NKX2-1: variants seen among roughly 807,000 people sequenced by gnomAD.
NKX2-1 encodes homeobox protein Nkx-2.1.
NKX2-1 carries 9 observed loss-of-function variants against 35.1 expected under a neutral mutation model. That is an observed-to-expected ratio of 0.26 (90% CI 0.15 to 0.45). NKX2-1 has a LOEUF of 0.45. Ranked by LOEUF, NKX2-1 falls within the 20% of genes least tolerant of loss-of-function variation. The probability of loss-of-function intolerance (pLI) is 1.00; values close to 1 mark genes in which losing one functional copy is unlikely to be tolerated. For synonymous variants in NKX2-1, 284 were observed against 269.9 expected, an observed-to-expected ratio of 1.05 and a Z score of -0.51; for missense variants, 509 against 589.1, an observed-to-expected ratio of 0.86 and a Z score of 1.41.
rs773410433 is a variant in NKX2-1 at position 36,520,063 on chromosome 14, C to G, written c.67G>C (p.Gly23Arg). Residue 23 changes from glycine (G) to arginine (R), a missense_variant, in exon 1 of 3, where the codon GGC (glycine) becomes CGC (arginine). Physicochemically the swap from Gly to Arg is moderately radical, Grantham distance 125. Coordinates refer to ENST00000354822, the MANE Select transcript of NKX2-1 (RefSeq NM_001079668.3). Reference sequence around the variant, plus strand: ...GGGTGGGGGTTTCACCTGAGCCTGCCGGGGCTGCTCCTCCCTCCCGCCGCG... The same window carrying G: ...GGGTGGGGGTTTCACCTGAGCCTGCGGGGGCTGCTCCTCCCTCCCGCCGCG... ...EAAAGGRSSP[G>R]RLSRRRIMSM... 123 of 1,612,782 alleles carry G rather than the reference C, an allele frequency of 7.6e-5. No homozygotes were observed. Among genetic ancestry groups the G allele is most frequent in the Non-Finnish European group, 9.7e-5 (115 of 1,179,848 alleles).
intron 2 of NKX2-1, 64 bp from the exon 3 acceptor site, chr14:36,518,084 G>C: frequency 6.4e-7 from 1 of 1,573,090 alleles, no homozygotes. Flanking sequence ...CCTGTTTTCC[G>C]CGCCATTGGC....
chr14:36,517,098 GAAAA>G lies in NKX2-1; in HGVS notation c.*176_*179del, dbSNP rs200848675. 267,700 of 1,159,822 alleles carry G rather than the reference GAAAA, an allele frequency of 0.23. 36,317 individuals carry two copies. The highest frequency in any genetic ancestry group is 0.25 in the Non-Finnish European group (223,524 of 879,916). The allele number at this position is 1,159,822 out of a possible 1,614,324, so 71.8% of individuals were successfully genotyped here. ...AAAAAACCCACAAATTTTAGGGGGG[GAAAA>G]AAAGAAAGACGTCCAGCAGTTTGGC... On this transcript the variant is annotated 3_prime_UTR_variant, in exon 3 of 3. Coordinates refer to ENST00000354822, the MANE Select transcript of NKX2-1 (RefSeq NM_001079668.3).
Position 36,517,555 on chromosome 14 carries a change from G to C in NKX2-1, c.929C>G (p.Ala310Gly), listed in dbSNP as rs1881089846. 6.8e-7 allele frequency: 1 copy of C among 1,465,094 alleles called. No homozygotes were observed. The highest frequency in any genetic ancestry group is 9.0e-7 in the Non-Finnish European group (1 of 1,117,246). 90.8% of individuals were successfully genotyped at this position (1,465,094 alleles called of 1,614,324 possible). A position where few individuals can be genotyped will look rare whatever the true frequency, so the allele number is the denominator to read the frequency against. The change falls in exon 3 of 3, where the codon GCC becomes GGC. Residue 310 changes from alanine to glycine, a missense_variant. By Grantham distance (60) the Ala-to-Gly change is moderately conservative. Coordinates refer to ENST00000354822, the MANE Select transcript of NKX2-1 (RefSeq NM_001079668.3). ...CQAGAPAPGA[A>G]SLQGHAQQQA... The stretch of plus-strand genomic sequence containing the variant: ...CTGCTGCGCGTGGCCTTGTAGGCTG[G>C]CGGCGCCCGGCGCGGGGGCACCCGC...
chr14:36,517,410 C>G lies in NKX2-1; in HGVS notation c.1074G>C (p.Pro358=), dbSNP rs763168625. 35 of 1,586,758 alleles carry G rather than the reference C, an allele frequency of 2.2e-5. No homozygotes were observed. In the South Asian group the frequency reaches 2.4e-4, roughly 11 times the overall value. Residue 358 remains proline (P), a synonymous_variant, in exon 3 of 3, where the codon CCG becomes CCC. Coordinates refer to ENST00000354822, the MANE Select transcript of NKX2-1 (RefSeq NM_001079668.3). ...GGCTGGCGGCGTGGTGCGCCAGGTC[C>G]GGAGACTGGCCTGCGCTGCCTGGCT... ...GHQPGSAGQS[P]DLAHHAASPA...
chr14:36,517,398 G>C lies in NKX2-1; in HGVS notation c.1086C>G (p.His362Gln), dbSNP rs746934283. 8 of 1,596,444 alleles carry C rather than the reference G, an allele frequency of 5.0e-6. No homozygotes were observed. In the Admixed American group the frequency reaches 8.8e-5, roughly 17 times the overall value. Residue 362 changes from histidine to glutamine, a missense_variant, in exon 3 of 3, where the codon CAC becomes CAG. Around this residue, in one of 5 missense-constraint regions of NKX2-1, gnomAD observed 212 missense variants for 227.7 expected, o/e 0.93. Coordinates refer to ENST00000354822, the MANE Select transcript of NKX2-1 (RefSeq NM_001079668.3). ...GCAGCGCCGCGGGGCTGGCGGCGTG[G>C]TGCGCCAGGTCCGGAGACTGGCCTG... is the stretch of plus-strand genomic sequence containing the variant. ...GSAGQSPDLA[H>Q]HAASPAALQG...
intron 2 of NKX2-1, among the ~76,000 whole-genome samples, 154 bp from the exon 3 acceptor site, chr14:36,518,174 G>T (rs45441699): frequency 6.6e-6 from 1 of 152,148 alleles, no homozygotes; most frequent in South Asian, 2.1e-4. Context: ...CATCCGCGGG[G>T]AACTGCCAGC....
chr14:36,518,970 G>A lies in NKX2-1; in HGVS notation c.463+15C>T, dbSNP rs765190713. On this transcript the variant is annotated intron_variant, in intron 2 of 2. Transcript: ENST00000354822. ...AGCTCAGCCCGCGGCCCCGCAGTGGGGCGGCCTCACTTACTGGCGGGGAAG... is the reference window on the plus strand; with the variant it reads ...AGCTCAGCCCGCGGCCCCGCAGTGGAGCGGCCTCACTTACTGGCGGGGAAG... The A allele has an allele frequency of 1.7e-4, 259 of 1,563,234 alleles. 1 individual carries two copies. Among genetic ancestry groups the A allele is most frequent in the Non-Finnish European group, 2.0e-4 (230 of 1,161,132 alleles).
chr14:36,517,670 T>C lies in NKX2-1; in HGVS notation c.814A>G (p.Thr272Ala). ...GCCTGTTGCTGCTGCGGGCACCCGG[T>C]GCCCCCGCCGCCCCCGCCGCCGCCG... ...DSGGGGGGGGTGCPQQQQAQQ... is the reference protein window; with the variant it reads ...DSGGGGGGGGAGCPQQQQAQQ... The change falls in exon 3 of 3, where the codon ACC becomes GCC. Residue 272 changes from threonine to alanine, a missense_variant. This residue lies in a region of NKX2-1 where 212 missense variants were observed against 227.7 expected (regional missense o/e 0.93). Transcript: ENST00000354822. 1 of 1,551,474 alleles carries C rather than the reference T, an allele frequency of 6.4e-7. No homozygotes were observed. Among genetic ancestry groups the C allele is most frequent in the Non-Finnish European group, 8.7e-7 (1 of 1,149,162 alleles).
intron 1 of NKX2-1, 38 bp from the exon 2 acceptor site, chr14:36,519,408 G>A (rs748877478): frequency 3.2e-5 from 51 of 1,611,280 alleles, no homozygotes; most frequent in Admixed American, 6.7e-5. Flanking sequence ...AAAAGGGAGA[G>A]GGGGAAGGCG....
At chr14:36,520,004 G>A (rs768098744) in intron 1 of NKX2-1, 49 bp downstream of exon 1, 2 of 1,609,332 alleles carry the variant, frequency 1.2e-6, no homozygotes, top group Non-Finnish European at 1.7e-6. Flanking sequence ...CCCCGGGCAC[G>A]GACAGGTCTT....
At position 36,517,559 on chromosome 14, in the gene NKX2-1, C is replaced by A. The variant is rs886050482; in HGVS notation, c.925G>T (p.Ala309Ser). ...TGCGCGTGGCCTTGTAGGCTGGCGG[C>A]GCCCGGCGCGGGGGCACCCGCCTGG... ...PCQAGAPAPG[A>S]ASLQGHAQQQ... Residue 309 changes from alanine to serine, a missense_variant, in exon 3 of 3, where the codon GCC (alanine) becomes TCC (serine). This residue lies in a region of NKX2-1 where 212 missense variants were observed against 227.7 expected (regional missense o/e 0.93). Transcript: ENST00000354822. 4 of 1,466,254 alleles carry A rather than the reference C, an allele frequency of 2.7e-6. No homozygotes were observed. Among genetic ancestry groups the A allele is most frequent in the Non-Finnish European group, 3.6e-6 (4 of 1,118,008 alleles). 90.8% of individuals were successfully genotyped at this position (1,466,254 alleles called of 1,614,324 possible).
In NKX2-1 at chr14:36,518,973, G is replaced by A; in HGVS notation, c.463+12C>T. The A allele has an allele frequency of 6.4e-7, 1 of 1,565,916 alleles. No homozygotes were observed. The highest frequency in any genetic ancestry group is 8.6e-7 in the Non-Finnish European group (1 of 1,162,210). ...TCAGCCCGCGGCCCCGCAGTGGGGC[G>A]GCCTCACTTACTGGCGGGGAAGCGC... On this transcript the variant is annotated intron_variant, in intron 2 of 2. Transcript: ENST00000354822.
chr14:36,519,743 G>A, intron 1 of NKX2-1: 1 of 1,481,232 alleles, frequency 6.8e-7, no homozygotes, highest in Non-Finnish European at 9.0e-7. Flanking sequence ...GAGAGAGGCA[G>A]AGACGAGACC....
Position 36,519,206 on chromosome 14 carries a change from G to T in NKX2-1, c.242C>A (p.Ala81Glu). The change falls in exon 2 of 3, where the codon GCG becomes GAG. Residue 81 changes from alanine (A) to glutamate (E), a missense_variant. Physicochemically the swap from Ala to Glu is moderately radical, Grantham distance 107. This residue lies in a region of NKX2-1 where 271 missense variants were observed against 284.1 expected (regional missense o/e 0.95). Coordinates refer to ENST00000354822, the MANE Select transcript of NKX2-1 (RefSeq NM_001079668.3). ...YRQGQAAPPT[A>E]AMQQHAVGHH... is the part of the protein sequence containing the mutation. ...CCCCACGGCGTGCTGCTGCATGGCC[G>T]CTGTTGGCGGTGCCGCCTGGCCCTG... is the stretch of plus-strand genomic sequence containing the variant. The T allele has an allele frequency of 1.9e-6, 3 of 1,603,180 alleles. No individual in the cohort carries two copies. Among genetic ancestry groups the T allele is most frequent in the Admixed American group, 1.7e-5 (1 of 58,730 alleles).
rs12896888 is a variant in NKX2-1 at position 36,517,183 on chromosome 14, G to T, written c.*95C>A. On this transcript the variant is annotated 3_prime_UTR_variant, in exon 3 of 3. Transcript: ENST00000354822. ...CGCGGCCAGGTTGTTAAGAAAAGTCGAAGCGCGTGGAGCAGCGGTGGATGG... is the reference window on the plus strand; with the variant it reads ...CGCGGCCAGGTTGTTAAGAAAAGTCTAAGCGCGTGGAGCAGCGGTGGATGG... 29 of 1,530,024 alleles carry T rather than the reference G, an allele frequency of 1.9e-5. No individual in the cohort carries two copies. The highest frequency in any genetic ancestry group is 4.4e-4 in the Middle Eastern group (2 of 4,524). 94.8% of individuals were successfully genotyped at this position (1,530,024 alleles called of 1,614,324 possible). A position where few individuals can be genotyped will look rare whatever the true frequency, so the allele number is the denominator to read the frequency against.
In NKX2-1 at chr14:36,518,995, G is replaced by A; in HGVS notation, c.453C>T (p.Arg151=). 1.3e-6 allele frequency: 2 copies of A among 1,556,834 alleles called. No individual in the cohort carries two copies. Among genetic ancestry groups the A allele is most frequent in the Non-Finnish European group, 1.7e-6 (2 of 1,156,570 alleles). The change falls in exon 2 of 3, where the codon CGC becomes CGT. Residue 151 remains arginine (R), a synonymous_variant. Transcript: ENST00000354822. ...PGWYGANPDP[R]FPAISRFMGP... ...GGCGGCCTCACTTACTGGCGGGGAA[G>A]CGCGGGTCTGGGTTGGCGCCGTACC...
chr14:36,519,239 G>C lies in NKX2-1; in HGVS notation c.209C>G (p.Ala70Gly), dbSNP rs2139412475. 6.2e-7 allele frequency: 1 copy of C among 1,608,900 alleles called. No individual in the cohort carries two copies. Among genetic ancestry groups the C allele is most frequent in the South Asian group, 1.1e-5 (1 of 90,534 alleles). ...CGGTGCCGCCTGGCCCTGCCTGTAC[G>C]CCGCCAGCGGAGCCCCGAGGCCGCC... ...EGGGLGAPLA[A>G]YRQGQAAPPT... Residue 70 changes from alanine (A) to glycine (G), a missense_variant, in exon 2 of 3, where the codon GCG (alanine) becomes GGG (glycine). By Grantham distance (60) the Ala-to-Gly change is moderately conservative. Transcript: ENST00000354822.
At chr14:36,519,568 C>G (rs1231820089) in intron 1 of NKX2-1, 198 bp from the exon 2 acceptor site, 25 of 1,534,074 alleles carry the variant, frequency 1.6e-5, no homozygotes, top group Non-Finnish European at 2.1e-5. Flanking sequence ...TTTGTTTTAG[C>G]CCGGCGCCAG....
chr14:36,519,043 C>T lies in NKX2-1; in HGVS notation c.405G>A (p.Arg135=), dbSNP rs1231758480. ...SELPPYQDTM[R]NSASGPGWYG... ...ACCATCCGGGGCCAGAGGCGCTGTTCCTCATGGTGTCCTGGTACGGCGGCA... is the reference window on the plus strand; with the variant it reads ...ACCATCCGGGGCCAGAGGCGCTGTTTCTCATGGTGTCCTGGTACGGCGGCA... Residue 135 remains arginine (R), a synonymous_variant, in exon 2 of 3, where the codon AGG becomes AGA. Transcript: ENST00000354822. 2 of 1,597,356 alleles carry T rather than the reference C, an allele frequency of 1.3e-6. No individual in the cohort carries two copies. Among genetic ancestry groups the T allele is most frequent in the African/African-American group, 1.3e-5 (1 of 74,762 alleles).
Sources: allele counts gnomAD v4.1 joint callset (sites outside exome capture counted in the v4.1 genomes callset), GRCh38; gene constraint gnomAD v4.1.1; regional missense constraint gnomAD v4.1.1; transcripts MANE v1.5; gene names NCBI Gene and HGNC (gene_info 2026-07-23, HGNC 2026-07-21).